MAS1: variants seen among roughly 807,000 people sequenced by gnomAD.
MAS1 encodes the protein MAS1 proto-oncogene, G protein-coupled receptor.
For missense variants in MAS1, 387 were observed against 409.7 expected, an observed-to-expected ratio of 0.94 and a Z score of 0.48; for synonymous variants, 163 against 164.2, an observed-to-expected ratio of 0.99 and a Z score of 0.05.
intron 2 of MAS1, among the ~76,000 whole-genome samples, chr6:159,904,046 C>T (rs1782853005): frequency 6.6e-6 from 1 of 152,132 alleles, no homozygotes; most frequent in Admixed American, 6.5e-5. Flanking sequence ...CACTTTCTTC[C>T]CCTTGAACTC....
At chr6:159,904,686 A>G (rs926460604) in intron 2 of MAS1, among the ~76,000 whole-genome samples, 1 of 151,888 alleles carries the variant, frequency 6.6e-6, no homozygotes, top group Non-Finnish European at 1.5e-5. Context: ...CCCCAAGTTA[A>G]CCACATTCCT....
At chr6:159,894,355 G>A (rs147290007) in intron 1 of MAS1, among the ~76,000 whole-genome samples, 2,020 of 151,006 alleles carry the variant, frequency 0.013, 54 homozygotes, top group African/African-American at 0.047. Context: ...GGAGGCGGAG[G>A]CTGAATTGAG....
At chr6:159,905,013 G>A (rs1033331807) in intron 2 of MAS1, among the ~76,000 whole-genome samples, 1 of 152,130 alleles carries the variant, frequency 6.6e-6, no homozygotes, top group African/African-American at 2.4e-5. Flanking sequence ...CACTATGGAC[G>A]ATGGAACCCC....
chr6:159,891,412 T>C lies in MAS1; in HGVS notation c.-244+279T>C, dbSNP rs1782697933. Among the ~76,000 whole-genome samples, 3 of 152,364 alleles carry C rather than the reference T, an allele frequency of 2.0e-5. No individual in the cohort carries two copies. The South Asian group carries it at 6.2e-4, about 32-fold the overall frequency. The stretch of plus-strand genomic sequence containing the variant: ...TTGAAACTTCGCAGTAGCGTTTTCT[T>C]TTTTAACTCGTTGCAGGGGAAAGAA... On this transcript the variant is annotated intron_variant, in intron 1 of 2. Coordinates refer to ENST00000674077, the MANE Select transcript of MAS1 (RefSeq NM_002377.4).
At position 159,902,824 on chromosome 6, in the gene MAS1, C is replaced by T. The variant is rs575766965; in HGVS notation, c.-37+3432C>T. On this transcript the variant is annotated intron_variant, in intron 2 of 2. Coordinates refer to ENST00000674077, the MANE Select transcript of MAS1 (RefSeq NM_002377.4). ...GGTTCGGACCCCTGGGCTGCTGTCCCAAATTCCTTGACGATTTCAGCACCT... is the reference window on the plus strand; with the variant it reads ...GGTTCGGACCCCTGGGCTGCTGTCCTAAATTCCTTGACGATTTCAGCACCT... 2.6e-5 allele frequency among the ~76,000 whole-genome samples: 4 copies of T among 152,254 alleles called. No individual in the cohort carries two copies. In the East Asian group the frequency reaches 7.7e-4, roughly 29 times the overall value.
chr6:159,901,303 G>C (rs1048718825), intron 2 of MAS1, among the ~76,000 whole-genome samples: 3 of 152,170 alleles, frequency 2.0e-5, no homozygotes, highest in African/African-American at 7.2e-5. Flanking sequence ...GTCCACAACA[G>C]TCAATAAGAT....
rs1782986482 is a variant in MAS1 at position 159,913,396 on chromosome 6, A to G, written c.*5463A>G. ...GAAAAATTATGCCAAAAAATTAAGT[A>G]CTTTTGTGGCTTAAAAGAACAATGT... On this transcript the variant is annotated 3_prime_UTR_variant, in exon 3 of 3. Coordinates refer to ENST00000674077, the MANE Select transcript of MAS1 (RefSeq NM_002377.4). The G allele has an allele frequency of 6.6e-6, 1 of 151,898 alleles. No homozygotes were observed. Among genetic ancestry groups the G allele is most frequent in the South Asian group, 2.1e-4 (1 of 4,800 alleles). The allele number at this position is 151,898 out of a possible 1,614,324, so 9.4% of individuals were successfully genotyped here. A position where few individuals can be genotyped will look rare whatever the true frequency, so the allele number is the denominator to read the frequency against.
intron 2 of MAS1, among the ~76,000 whole-genome samples, chr6:159,903,578 T>A (rs1275454643): frequency 6.6e-6 from 1 of 152,154 alleles, no homozygotes; most frequent in Non-Finnish European, 1.5e-5. Context: ...CTGATGACCT[T>A]GCTCCTTACT....
At chr6:159,891,338 C>T (rs1004783502) in intron 1 of MAS1, among the ~76,000 whole-genome samples, 1 of 152,178 alleles carries the variant, frequency 6.6e-6, no homozygotes. Flanking sequence ...GGAAAATTTA[C>T]TTCTTTGCTG....
Position 159,912,924 on chromosome 6 carries a change from T to A in MAS1, c.*4991T>A, listed in dbSNP as rs951127447. Reference sequence around the variant, plus strand: ...TGAATCAGAGGTAAATAAACAAGGATGATGATGAGATGGGAGCTTCCAAAA... The same window carrying A: ...TGAATCAGAGGTAAATAAACAAGGAAGATGATGAGATGGGAGCTTCCAAAA... On this transcript the variant is annotated 3_prime_UTR_variant, in exon 3 of 3. Coordinates refer to ENST00000674077, the MANE Select transcript of MAS1 (RefSeq NM_002377.4). 2.0e-5 allele frequency: 3 copies of A among 152,156 alleles called. No individual in the cohort carries two copies. The highest frequency in any genetic ancestry group is 7.2e-5 in the African/African-American group (3 of 41,412). The allele number at this position is 152,156 out of a possible 1,614,324, so 9.4% of individuals were successfully genotyped here.
At chr6:159,893,147 G>A (rs1782719265) in intron 1 of MAS1, among the ~76,000 whole-genome samples, 1 of 152,248 alleles carries the variant, frequency 6.6e-6, no homozygotes, top group African/African-American at 2.4e-5. Flanking sequence ...GGAAGGTGGT[G>A]GGTGTTAAGT....
At chr6:159,889,379 A>G (rs1782673006), upstream of MAS1, among the ~76,000 whole-genome samples, 1 of 152,194 alleles carries the variant, frequency 6.6e-6, no homozygotes, top group South Asian at 2.1e-4. Flanking sequence ...TGAAATGTTC[A>G]TAACATCTGG....
chr6:159,909,598 T>A lies in MAS1; in HGVS notation c.*1665T>A, dbSNP rs1367174999. The A allele has an allele frequency of 6.6e-6, 1 of 152,150 alleles. No homozygotes were observed. Among genetic ancestry groups the A allele is most frequent in the Non-Finnish European group, 1.5e-5 (1 of 68,038 alleles). The allele number at this position is 152,150 out of a possible 1,614,324, so 9.4% of individuals were successfully genotyped here. A position where few individuals can be genotyped will look rare whatever the true frequency, so the allele number is the denominator to read the frequency against. ...GCAATGACATTTAGAATGATCTTGTTTTTGGTTGAAAACAGAGCATTTTCC... is the reference window on the plus strand; with the variant it reads ...GCAATGACATTTAGAATGATCTTGTATTTGGTTGAAAACAGAGCATTTTCC... On this transcript the variant is annotated 3_prime_UTR_variant, in exon 3 of 3. Transcript: ENST00000674077.
chr6:159,906,754 T>C, intron 2 of MAS1, 166 bp from the exon 3 acceptor site: 1 of 565,880 alleles, frequency 1.8e-6, no homozygotes, highest in Non-Finnish European at 3.1e-6. Flanking sequence ...TCTTATCAGG[T>C]CCTAAAGGCC....
chr6:159,899,247 T>G lies in MAS1; in HGVS notation c.-182T>G, dbSNP rs1782796222. 1 of 152,410 alleles carries G rather than the reference T, an allele frequency of 6.6e-6. No individual in the cohort carries two copies. 9.4% of individuals were successfully genotyped at this position (152,410 alleles called of 1,614,324 possible). A position where few individuals can be genotyped will look rare whatever the true frequency, so the allele number is the denominator to read the frequency against. ...TGCTCTGTGATGCTGCCAGTAATGCTGACCAGTCGTGGTGCTGTCACCTCC... is the reference window on the plus strand; with the variant it reads ...TGCTCTGTGATGCTGCCAGTAATGCGGACCAGTCGTGGTGCTGTCACCTCC... On this transcript the variant is annotated 5_prime_UTR_variant, in exon 2 of 3. Coordinates refer to ENST00000674077, the MANE Select transcript of MAS1 (RefSeq NM_002377.4).
rs1783031614 is a variant in MAS1 at position 159,916,757 on chromosome 6, T to G, written c.*8824T>G. ...GCAAGTGAGTGCAGACTCCCCTGAT[T>G]CCAATGAAGCTGCTGTTGAGGGCCG... On this transcript the variant is annotated 3_prime_UTR_variant, in exon 3 of 3. Coordinates refer to ENST00000674077, the MANE Select transcript of MAS1 (RefSeq NM_002377.4). Among the ~76,000 whole-genome samples, 1 of 152,200 alleles carries G rather than the reference T, an allele frequency of 6.6e-6. No individual in the cohort carries two copies. The highest frequency in any genetic ancestry group is 1.5e-5 in the Non-Finnish European group (1 of 68,038).
At chr6:159,903,356 A>G (rs536329652) in intron 2 of MAS1, among the ~76,000 whole-genome samples, 19 of 152,070 alleles carry the variant, frequency 1.2e-4, no homozygotes, top group South Asian at 1.0e-3. Flanking sequence ...CTCTTTCTCC[A>G]TGTCGGCACC....
chr6:159,905,453 A>G (rs1562311659), intron 2 of MAS1, among the ~76,000 whole-genome samples: 1 of 152,312 alleles, frequency 6.6e-6, no homozygotes, highest in East Asian at 1.9e-4. Context: ...GGAAGTGTCA[A>G]TGGGATAGGT....
rs776472839 is a variant in MAS1, at chr6:159,915,573, A to G, written c.*7640A>G. 3 of 152,190 alleles carry G rather than the reference A, an allele frequency of 2.0e-5. No individual in the cohort carries two copies. The highest frequency in any genetic ancestry group is 1.3e-4 in the Admixed American group (2 of 15,264). 9.4% of individuals were successfully genotyped at this position (152,190 alleles called of 1,614,324 possible). A position where few individuals can be genotyped will look rare whatever the true frequency, so the allele number is the denominator to read the frequency against. ...ACATTTTGGCCAACACCAGCCTGTTAATGCCTGAGGCAGAGGCCTCTGGAA... is the reference window on the plus strand; with the variant it reads ...ACATTTTGGCCAACACCAGCCTGTTGATGCCTGAGGCAGAGGCCTCTGGAA... On this transcript the variant is annotated 3_prime_UTR_variant, in exon 3 of 3. Transcript: ENST00000674077.
Sources: allele counts gnomAD v4.1 joint callset (sites outside exome capture counted in the v4.1 genomes callset), GRCh38; gene constraint gnomAD v4.1.1; transcripts MANE v1.5; gene names NCBI Gene and HGNC (gene_info 2026-07-23, HGNC 2026-07-21).